Variants in COQ4 observed in about 807,000 individuals in gnomAD.
COQ4 encodes ubiquinone biosynthesis protein COQ4 homolog, mitochondrial.
In COQ4, 36 loss-of-function variants were observed where a neutral mutation model predicts 30.2. The observed-to-expected ratio is 1.19, with a 90% CI of 0.91 to 1.57. The LOEUF (loss-of-function observed/expected upper bound fraction) is 1.57, where lower values mean the gene tolerates loss of function less well. Among genes scored for constraint, COQ4 ranks in the 40% most tolerant of loss-of-function variants. The pLI, the probability that COQ4 is intolerant of heterozygous loss-of-function variation, is 0.00. For missense variants in COQ4, 369 were observed against 371.9 expected (o/e 0.99, Z 0.07); for synonymous variants, 197 against 161.0 (o/e 1.22, Z -1.69).
At chr9:128,332,102 G>C in intron 4 of COQ4, 51 bp from the exon 5 acceptor site, 1 of 1,536,096 alleles carries the variant, frequency 6.5e-7, no homozygotes, top group South Asian at 1.2e-5. Context: ...CTGGCAAATC[G>C]GGCCCTGGGA....
In COQ4 at chr9:128,330,923, C is replaced by T. The variant is rs771355547; in HGVS notation, c.403-1230C>T. ...CGCGATCTCGGCTCGCTGCAAGCTC[C>T]GCCTCCCGGGCTTACGCCATTCTCC... is the stretch of plus-strand genomic sequence containing the variant. On this transcript the variant is annotated intron_variant, in intron 4 of 6. Coordinates refer to ENST00000300452, the MANE Select transcript of COQ4 (RefSeq NM_016035.5). The T allele has an allele frequency of 3.3e-5, 5 of 151,538 alleles. 1 individual carries two copies. The East Asian group carries it at 5.8e-4, about 18-fold the overall frequency. The allele number at this position is 151,538 out of a possible 1,614,324, so 9.4% of individuals were successfully genotyped here.
intron 4 of COQ4, among the ~76,000 whole-genome samples, chr9:128,326,772 C>T (rs1450090667): frequency 1.3e-5 from 2 of 150,354 alleles, no homozygotes; most frequent in African/African-American, 5.0e-5. Context: ...TGTTTTGAGA[C>T]AGGGTCCCGC....
chr9:128,322,898 G>T lies in COQ4; in HGVS notation c.40G>T (p.Gly14Trp), dbSNP rs745836392. Residue 14 changes from glycine (G) to tryptophan (W), a missense_variant, in exon 1 of 7, where the codon GGG (glycine) becomes TGG (tryptophan). By Grantham distance (184) the Gly-to-Trp change is radical. Transcript: ENST00000300452. ...LLRPVLRRLC[G>W]LPGLQRPAAE... ...GCGCCCTGTCCTCCGTCGGCTCTGC[G>T]GGCTCCCGGGCCTACAGCGGCCTGC... 3.8e-6 allele frequency: 6 copies of T among 1,593,818 alleles called. No homozygotes were observed. Among genetic ancestry groups the T allele is most frequent in the East Asian group, 4.5e-5 (2 of 44,174 alleles).
At chr9:128,323,923 C>T (rs1380335220) in intron 2 of COQ4, among the ~76,000 whole-genome samples, 1 of 152,140 alleles carries the variant, frequency 6.6e-6, no homozygotes, top group Non-Finnish European at 1.5e-5. Flanking sequence ...CCAGCCTGGG[C>T]GACAGAGCGA....
At position 128,333,819 on chromosome 9, in the gene COQ4, G is replaced by A. The variant is rs1425518252; in HGVS notation, c.*174G>A. 7.5e-6 allele frequency: 4 copies of A among 531,806 alleles called. No homozygotes were observed. Among genetic ancestry groups the A allele is most frequent in the Non-Finnish European group, 1.3e-5 (4 of 316,638 alleles). 32.9% of individuals were successfully genotyped at this position (531,806 alleles called of 1,614,324 possible). On this transcript the variant is annotated 3_prime_UTR_variant, in exon 7 of 7. Transcript: ENST00000300452. The stretch of plus-strand genomic sequence containing the variant: ...GCCTTGAGGACGAACCCCGCAGGGA[G>A]CAAGCAGTACAGTGGCATTCCCAGG...
At chr9:128,329,389 A>T (rs1261324075) in intron 4 of COQ4, among the ~76,000 whole-genome samples, 1 of 151,678 alleles carries the variant, frequency 6.6e-6, no homozygotes, top group Non-Finnish European at 1.5e-5. Context: ...TTATTTATTT[A>T]TTTATTTTTT....
intron 6 of COQ4, 127 bp from the exon 7 acceptor site, chr9:128,333,347 G>T (rs1255280388): frequency 1.4e-5 from 11 of 800,564 alleles, no homozygotes; most frequent in Non-Finnish European, 1.9e-5. Context: ...CATCTAAAAA[G>T]CAGGGATAAT....
In COQ4 at chr9:128,323,117, G is replaced by A; in HGVS notation, c.172G>A (p.Ala58Thr). ...AGGGCTGTTGGCCGCCGGCTCCGCG[G>A]CGATGGCGCTCTATAACCCCTACCG... The part of the protein sequence containing the change: ...QKGLLAAGSA[A>T]MALYNPYRHD... Residue 58 changes from alanine (A) to threonine (T), a missense_variant, in exon 2 of 7, where the codon GCG becomes ACG. By Grantham distance (58) the Ala-to-Thr change is moderately conservative. Coordinates refer to ENST00000300452, the MANE Select transcript of COQ4 (RefSeq NM_016035.5). The A allele has an allele frequency of 6.2e-7, 1 of 1,610,316 alleles. No individual in the cohort carries two copies.
At chr9:128,327,950 A>G (rs1368113179) in intron 4 of COQ4, among the ~76,000 whole-genome samples, 1 of 152,262 alleles carries the variant, frequency 6.6e-6, no homozygotes, top group African/African-American at 2.4e-5. Context: ...GGTATTGGGA[A>G]GGGTACAGCC....
chr9:128,327,125 C>T (rs541798723), intron 4 of COQ4, among the ~76,000 whole-genome samples: 2 of 152,134 alleles, frequency 1.3e-5, no homozygotes, highest in East Asian at 1.9e-4. Context: ...TATTCTACTT[C>T]GAGAGGTAGA....
intron 4 of COQ4, 148 bp downstream of exon 4, chr9:128,326,029 A>G (rs554431602): frequency 1.3e-5 from 9 of 710,684 alleles, no homozygotes; most frequent in Admixed American, 1.2e-4. Context: ...GTCATTTTCT[A>G]TGGGATAGGC....
chr9:128,332,054 A>T, intron 4 of COQ4, 99 bp from the exon 5 acceptor site: 1 of 1,363,032 alleles, frequency 7.3e-7, no homozygotes, highest in Non-Finnish European at 1.0e-6. Context: ...TCTAGTAGGT[A>T]TGAGTTAGGT....
At chr9:128,329,616 GGC>G (rs1832374272) in intron 4 of COQ4, among the ~76,000 whole-genome samples, 1 of 152,140 alleles carries the variant, frequency 6.6e-6, no homozygotes, top group South Asian at 2.1e-4. Flanking sequence ...GTGATCCGCT[GGC>G]CTTGGCCTCC....
At chr9:128,331,889 G>T in intron 4 of COQ4, 2 of 295,568 alleles carry the variant, frequency 6.8e-6, no homozygotes, top group South Asian at 8.5e-5. Context: ...CACCACACCC[G>T]GCTAATTTTT....
chr9:128,333,451 C>G (rs1832447547), intron 6 of COQ4, 23 bp from the exon 7 acceptor site: 2 of 1,489,322 alleles, frequency 1.3e-6, no homozygotes, highest in Non-Finnish European at 1.8e-6. Context: ...TTGATGTTTT[C>G]TTTTTCCTCT....
At chr9:128,325,036 G>A (rs1350328402) in intron 2 of COQ4, 107 bp from the exon 3 acceptor site, 9 of 729,052 alleles carry the variant, frequency 1.2e-5, no homozygotes, top group Non-Finnish European at 1.9e-5. Context: ...ATAACAAAGA[G>A]CTAGACATCA....
chr9:128,327,891 A>G (rs1214203258), intron 4 of COQ4, among the ~76,000 whole-genome samples: 3 of 152,242 alleles, frequency 2.0e-5, no homozygotes, highest in African/African-American at 7.2e-5. Flanking sequence ...TGGAACTTAC[A>G]TTCTAGCAGC....
In COQ4 at chr9:128,333,816, G is replaced by A; in HGVS notation, c.*171G>A. On this transcript the variant is annotated 3_prime_UTR_variant, in exon 7 of 7. Transcript: ENST00000300452. Reference sequence around the variant, plus strand: ...GTGGCCTTGAGGACGAACCCCGCAGGGAGCAAGCAGTACAGTGGCATTCCC... The same window carrying A: ...GTGGCCTTGAGGACGAACCCCGCAGAGAGCAAGCAGTACAGTGGCATTCCC... The A allele has an allele frequency of 1.9e-6, 1 of 535,714 alleles. No homozygotes were observed. Among genetic ancestry groups the A allele is most frequent in the Non-Finnish European group, 3.1e-6 (1 of 320,136 alleles). The allele number at this position is 535,714 out of a possible 1,614,324, so 33.2% of individuals were successfully genotyped here. A position where few individuals can be genotyped will look rare whatever the true frequency, so the allele number is the denominator to read the frequency against.
chr9:128,328,875 C>T lies in COQ4; in HGVS notation c.402+2994C>T, dbSNP rs1170563306. On this transcript the variant is annotated intron_variant, in intron 4 of 6. Transcript: ENST00000300452. ...TGTGGAGGGGAGGGGGTAGCAGGGA[C>T]AGGACTGCTAGGACACCTTGCTCAG... Among the ~76,000 whole-genome samples the T allele has an allele frequency of 2.0e-5, 3 of 152,198 alleles. No homozygotes were observed. The South Asian group carries it at 6.2e-4, about 31-fold the overall frequency.
Sources: gnomAD v4.1 joint callset for allele counts (sites outside exome capture counted in the v4.1 genomes callset) on GRCh38, gnomAD v4.1.1 for gene constraint, MANE v1.5 for transcripts, NCBI Gene and HGNC (gene_info 2026-07-23, HGNC 2026-07-21) for gene names.